The following CEMIP variants were observed in gnomAD, a reference collection of about 807,000 sequenced individuals.
CEMIP encodes the protein cell migration inducing hyaluronidase 1, also known as cell migration-inducing and hyaluronan-binding protein.
A neutral mutation model predicts 156.9 loss-of-function variants in CEMIP; 105 were observed. The observed-to-expected ratio is 0.67, with a 90% confidence interval of 0.57 to 0.79. The LOEUF (loss-of-function observed/expected upper bound fraction) is 0.79. Ranked by LOEUF, CEMIP falls within the 30% of genes least tolerant of loss-of-function variation. CEMIP has a pLI of 0.00. For missense variants in CEMIP, 1,457 were observed against 1,769.4 expected (o/e 0.82, Z 3.17); for synonymous variants, 676 against 668.4 (o/e 1.01, Z -0.17).
intron 5 of CEMIP, 49 bp downstream of exon 5, chr15:80,879,903 G>A (rs1376666046): frequency 6.2e-7 from 1 of 1,609,800 alleles, no homozygotes; most frequent in Admixed American, 1.7e-5. Context: ...GATCTGACAA[G>A]AGGGAGACTT....
At chr15:80,797,371 G>A (rs1289257634) in intron 1 of CEMIP, among the ~76,000 whole-genome samples, 1 of 152,200 alleles carries the variant, frequency 6.6e-6, no homozygotes, top group East Asian at 1.9e-4. Context: ...CAGTGCTGGC[G>A]TGTGGAGGGT....
intron 14 of CEMIP, among the ~76,000 whole-genome samples, chr15:80,916,674 T>C (rs143318033): frequency 1.4e-4 from 21 of 152,322 alleles, no homozygotes; most frequent in East Asian, 1.3e-3. Context: ...CACTGGGTAA[T>C]GTTCTAAGGA....
rs1901730517 is a variant in CEMIP, at chr15:80,949,616, T to A, written c.*692T>A. 1 of 160,636 alleles carries A rather than the reference T, an allele frequency of 6.2e-6. No homozygotes were observed. 10.0% of individuals were successfully genotyped at this position (160,636 alleles called of 1,614,324 possible). On this transcript the variant is annotated 3_prime_UTR_variant, in exon 30 of 30. Transcript: ENST00000394685. ...TACCTGGAACCCAACAGTTCATGGA[T>A]ATCCACTGATATCCATGATGCTGGG... is the stretch of plus-strand genomic sequence containing the variant.
intron 1 of CEMIP, among the ~76,000 whole-genome samples, chr15:80,836,658 C>T (rs1357801401): frequency 6.6e-6 from 1 of 150,496 alleles, no homozygotes; most frequent in East Asian, 1.9e-4. Flanking sequence ...TTTTCTGCCT[C>T]CTTACCTCCT....
Position 80,946,946 on chromosome 15 carries a change from T to C in CEMIP, c.3858-19T>C, listed in dbSNP as rs374099639. On this transcript the variant is annotated intron_variant, in intron 28 of 29. Coordinates refer to ENST00000394685, the MANE Select transcript of CEMIP (RefSeq NM_001293298.2). ...AGTTTGCTCTCTCCCTCTGGTCTAA[T>C]TGGTTTCTTCTCACACAGTTCCATA... is the stretch of plus-strand genomic sequence containing the variant. The C allele has an allele frequency of 1.3e-5, 20 of 1,561,510 alleles. No individual in the cohort carries two copies. Among genetic ancestry groups the C allele is most frequent in the Admixed American group, 1.0e-4 (6 of 59,898 alleles).
In CEMIP at chr15:80,888,758, A is replaced by T; in HGVS notation, c.926A>T (p.Glu309Val). Reference protein sequence around the residue: ...VFKLFQTEHGEYFNVSLSSEW... With the variant: ...VFKLFQTEHGVYFNVSLSSEW... ...AAATTGTTCCAGACAGAGCATGGCGAATATTTCAATGTTTCTTTGTCCAGT... is the reference window on the plus strand; with the variant it reads ...AAATTGTTCCAGACAGAGCATGGCGTATATTTCAATGTTTCTTTGTCCAGT... Residue 309 changes from glutamate (E) to valine (V), a missense_variant, in exon 9 of 30, where the codon GAA (glutamate) becomes GTA (valine). This residue lies in a region of CEMIP where 280 missense variants were observed against 300.3 expected (regional missense o/e 0.93). Transcript: ENST00000394685. 6.2e-7 allele frequency: 1 copy of T among 1,614,148 alleles called. No homozygotes were observed. Among genetic ancestry groups the T allele is most frequent in the Non-Finnish European group, 8.5e-7 (1 of 1,180,026 alleles).
At chr15:80,935,000 T>C (rs1328761615) in intron 23 of CEMIP, among the ~76,000 whole-genome samples, 1 of 152,126 alleles carries the variant, frequency 6.6e-6, no homozygotes, top group Non-Finnish European at 1.5e-5. Context: ...CCTGGCAGTG[T>C]TGAAAACCCA....
chr15:80,897,727 T>C (rs1490885376), intron 12 of CEMIP, among the ~76,000 whole-genome samples: 2 of 151,974 alleles, frequency 1.3e-5, no homozygotes, highest in Non-Finnish European at 2.9e-5. Flanking sequence ...AATCTGGCAA[T>C]GAGGGTAAAA....
chr15:80,833,835 AT>A (rs1279837920), intron 1 of CEMIP, among the ~76,000 whole-genome samples: 1 of 151,628 alleles, frequency 6.6e-6, no homozygotes, highest in African/African-American at 2.4e-5. Context: ...CACCCAGCTA[AT>A]TTTTTGTATT....
intron 1 of CEMIP, among the ~76,000 whole-genome samples, chr15:80,860,652 G>T (rs993520596): frequency 1.3e-5 from 2 of 152,138 alleles, no homozygotes; most frequent in African/African-American, 4.8e-5. Context: ...GCAGAGAAAG[G>T]CATCGTTTCT....
At chr15:80,801,436 T>G (rs1043946666) in intron 1 of CEMIP, among the ~76,000 whole-genome samples, 10 of 152,198 alleles carry the variant, frequency 6.6e-5, no homozygotes, top group African/African-American at 2.4e-4. Flanking sequence ...CCTGGGTTTG[T>G]TCTCGAGGTG....
Position 80,925,739 on chromosome 15 carries a change from T to C in CEMIP, c.2404T>C (p.Trp802Arg), listed in dbSNP as rs1447553044. ...GGCCTGGCTGCGCGGCGGGGATGTG[T>C]GGCTGGACAGCTGCCGGTGAGTCAG... is the stretch of plus-strand genomic sequence containing the variant. Reference protein sequence around the residue: ...HGAWLRGGDVWLDSCRFADNG... With the variant: ...HGAWLRGGDVRLDSCRFADNG... Residue 802 changes from tryptophan to arginine, a missense_variant, in exon 19 of 30, where the codon TGG (tryptophan) becomes CGG (arginine). Trp to Arg is a moderately radical substitution (Grantham distance 101). This residue lies in a region of CEMIP where 798 missense variants were observed against 980.1 expected (regional missense o/e 0.81). Coordinates refer to ENST00000394685, the MANE Select transcript of CEMIP (RefSeq NM_001293298.2). The C allele has an allele frequency of 1.2e-6, 2 of 1,612,622 alleles. No homozygotes were observed. The highest frequency in any genetic ancestry group is 4.5e-5 in the East Asian group (2 of 44,888).
At chr15:80,881,436 G>A (rs914911995) in intron 6 of CEMIP, among the ~76,000 whole-genome samples, 7 of 152,224 alleles carry the variant, frequency 4.6e-5, no homozygotes, top group Non-Finnish European at 7.3e-5. Context: ...GACCACTTTG[G>A]ATAGGGTGGT....
At chr15:80,874,737 C>T (rs976640867) in intron 3 of CEMIP, among the ~76,000 whole-genome samples, 3 of 152,166 alleles carry the variant, frequency 2.0e-5, no homozygotes, top group Non-Finnish European at 2.9e-5. Context: ...ATCAGATAAT[C>T]CAAACTTGGG....
chr15:80,835,907 T>A (rs1897260558), intron 1 of CEMIP, among the ~76,000 whole-genome samples: 1 of 152,116 alleles, frequency 6.6e-6, no homozygotes, highest in Non-Finnish European at 1.5e-5. Flanking sequence ...ATAATAAAAT[T>A]TTGGTGAAAA....
At chr15:80,858,143 T>C (rs1897897198) in intron 1 of CEMIP, among the ~76,000 whole-genome samples, 1 of 152,100 alleles carries the variant, frequency 6.6e-6, no homozygotes, top group Non-Finnish European at 1.5e-5. Context: ...TAAGCAAAAA[T>C]GTGCCACGAT....
Position 80,931,947 on chromosome 15 carries a change from C to A in CEMIP, c.2701C>A (p.Arg901=), listed in dbSNP as rs527886858. 5 of 1,614,092 alleles carry A rather than the reference C, an allele frequency of 3.1e-6. No homozygotes were observed. The highest frequency in any genetic ancestry group is 4.5e-5 in the East Asian group (2 of 44,900). ...TFRKFVALEG[R]HTSALAFRLN... is the part of the protein sequence containing the mutation. ...CCGAAAGTTTGTGGCCCTGGAGGGCCGGCACACCAGCGCCCTGGCCTTCCG... is the reference window on the plus strand; with the variant it reads ...CCGAAAGTTTGTGGCCCTGGAGGGCAGGCACACCAGCGCCCTGGCCTTCCG... The change falls in exon 22 of 30, where the codon CGG becomes AGG. Residue 901 remains arginine, a synonymous_variant. Transcript: ENST00000394685.
intron 3 of CEMIP, 46 bp from the exon 4 acceptor site, chr15:80,878,675 G>C (rs766432678): frequency 1.2e-6 from 2 of 1,613,494 alleles, no homozygotes; most frequent in Non-Finnish European, 1.7e-6. Context: ...TTCTTGCTTG[G>C]TGAGGCTGGT....
chr15:80,939,972 A>T (rs1901278445), intron 25 of CEMIP, among the ~76,000 whole-genome samples: 2 of 152,228 alleles, frequency 1.3e-5, no homozygotes, highest in Admixed American at 6.5e-5. Flanking sequence ...TAAGCTCTGA[A>T]TCATCTCTCA....
Sources: allele counts gnomAD v4.1 joint callset (sites outside exome capture counted in the v4.1 genomes callset), GRCh38; gene constraint gnomAD v4.1.1; regional missense constraint gnomAD v4.1.1; transcripts MANE v1.5; gene names NCBI Gene and HGNC (gene_info 2026-07-23, HGNC 2026-07-21).